The following PIBF1 variants were observed in gnomAD, a reference collection of about 807,000 sequenced individuals.
PIBF1 encodes progesterone-induced-blocking factor 1.
In PIBF1, 90 loss-of-function variants were observed where a neutral mutation model predicts 112.5. The observed-to-expected ratio is 0.80, with a 90% confidence interval of 0.67 to 0.95. The LOEUF (loss-of-function observed/expected upper bound fraction) is 0.95. Ranked by LOEUF, PIBF1 falls within the 40% of genes least tolerant of loss-of-function variation. The probability of loss-of-function intolerance (pLI) is 0.00; values close to 1 mark genes in which losing one functional copy is unlikely to be tolerated. For missense variants in PIBF1, 915 were observed against 852.3 expected, an observed-to-expected ratio of 1.07 and a Z score of -0.92; for synonymous variants, 301 against 288.6, an observed-to-expected ratio of 1.04 and a Z score of -0.44.
intron 11 of PIBF1, among the ~76,000 whole-genome samples, chr13:72,908,277 CTAATTT>C (rs1343470596): frequency 1.3e-5 from 2 of 151,782 alleles, no homozygotes; most frequent in Non-Finnish European, 2.9e-5. Flanking sequence ...ATAATTATTC[CTAATTT>C]TAAATTCATT....
rs370565440 is a variant in PIBF1, at chr13:72,939,555, C to G, written c.1833+8288C>G. On this transcript the variant is annotated intron_variant, in intron 14 of 17. Coordinates refer to ENST00000326291, the MANE Select transcript of PIBF1 (RefSeq NM_006346.4). ...GTTCATCCATATTGTAGCATGTATCCAGTACTTTAACCCTTTTTATGGCCG... is the reference window on the plus strand; with the variant it reads ...GTTCATCCATATTGTAGCATGTATCGAGTACTTTAACCCTTTTTATGGCCG... Among the ~76,000 whole-genome samples, 7 of 152,200 alleles carry G rather than the reference C, an allele frequency of 4.6e-5. No homozygotes were observed. The East Asian group carries it at 9.6e-4, about 21-fold the overall frequency.
At chr13:72,943,328 T>C (rs560470464) in intron 14 of PIBF1, among the ~76,000 whole-genome samples, 1 of 152,324 alleles carries the variant, frequency 6.6e-6, no homozygotes, top group South Asian at 2.1e-4. Flanking sequence ...ATTTATTGTA[T>C]ATTTCAAAAT....
intron 17 of PIBF1, among the ~76,000 whole-genome samples, chr13:73,009,732 A>G (rs924519702): frequency 1.3e-5 from 2 of 152,210 alleles, no homozygotes; most frequent in African/African-American, 4.8e-5. Context: ...GTGATAAGAC[A>G]TCTGAAAAGT....
chr13:72,992,141 T>TAC (rs1222993837), intron 16 of PIBF1, among the ~76,000 whole-genome samples: 1 of 152,138 alleles, frequency 6.6e-6, no homozygotes, highest in African/African-American at 2.4e-5. Flanking sequence ...TGCAGTGAGC[T>TAC]ACAGTCGCAT....
intron 10 of PIBF1, 49 bp from the exon 11 acceptor site, chr13:72,893,735 C>A (rs1247482507): frequency 4.9e-6 from 6 of 1,212,556 alleles, no homozygotes; most frequent in East Asian, 2.7e-5. Flanking sequence ...TTACTTAAAT[C>A]ATTGAGACTG....
At chr13:73,013,014 T>G (rs2044250442) in intron 17 of PIBF1, among the ~76,000 whole-genome samples, 1 of 151,550 alleles carries the variant, frequency 6.6e-6, no homozygotes, top group Admixed American at 6.6e-5. Flanking sequence ...ATGAAAATAT[T>G]AGAAGGGCCG....
chr13:72,903,255 A>G lies in PIBF1; in HGVS notation c.1489-5276A>G, dbSNP rs574877093. ...AATGGTATAATTATGGGTGATTTTT[A>G]TATCTTCATTCTCCCCCCCTAGACT... On this transcript the variant is annotated intron_variant, in intron 11 of 17. Coordinates refer to ENST00000326291, the MANE Select transcript of PIBF1 (RefSeq NM_006346.4). Among the ~76,000 whole-genome samples, 5 of 152,236 alleles carry G rather than the reference A, an allele frequency of 3.3e-5. No homozygotes were observed. In the South Asian group the frequency reaches 1.0e-3, roughly 32 times the overall value.
chr13:72,899,974 G>A (rs1425946897), intron 11 of PIBF1, among the ~76,000 whole-genome samples: 2 of 152,110 alleles, frequency 1.3e-5, no homozygotes, highest in Non-Finnish European at 2.9e-5. Flanking sequence ...ACCAGGCAGA[G>A]AGTCAAATCA....
intron 16 of PIBF1, among the ~76,000 whole-genome samples, chr13:72,987,089 A>G (rs1475517756): frequency 1.3e-5 from 2 of 152,174 alleles, no homozygotes; most frequent in African/African-American, 4.8e-5. Flanking sequence ...AAAATTTTCA[A>G]TGTAAGGAAA....
chr13:72,789,772 C>A (rs1009243900), intron 2 of PIBF1, among the ~76,000 whole-genome samples: 3 of 151,392 alleles, frequency 2.0e-5, no homozygotes, highest in African/African-American at 7.3e-5. Context: ...GTTGAGCATC[C>A]CAGATCTGAA....
rs925772654 is a variant in PIBF1 at position 72,783,495 on chromosome 13, CA to C, written c.33del (p.Val12Ter). 25 of 1,602,886 alleles carry C rather than the reference CA, an allele frequency of 1.6e-5. No homozygotes were observed. The highest frequency in any genetic ancestry group is 2.2e-5 in the South Asian group (2 of 89,092). On this transcript the variant is annotated frameshift_variant, in exon 2 of 18. Coordinates refer to ENST00000326291, the MANE Select transcript of PIBF1 (RefSeq NM_006346.4). LOFTEE classifies it high-confidence loss of function. ...ATGTCTCGAAAAATTTCAAAGGAGT[CA>C]AAAAAAGTGAACATCTCTAGTTCTC... MSRKISKESKKVNISSSLE... is the reference protein window; with the variant it reads MSRKISKEXKKVNISSSLE...
intron 14 of PIBF1, among the ~76,000 whole-genome samples, chr13:72,959,558 A>G (rs2042549490): frequency 6.6e-6 from 1 of 152,208 alleles, no homozygotes; most frequent in African/African-American, 2.4e-5. Context: ...GCAATAAAGA[A>G]CTTCATTTCT....
chr13:72,986,549 A>G (rs974883996), intron 16 of PIBF1, among the ~76,000 whole-genome samples: 10 of 152,138 alleles, frequency 6.6e-5, no homozygotes, highest in South Asian at 4.2e-4. Context: ...GTTTCAGGTG[A>G]TTAGTTATGT....
intron 10 of PIBF1, among the ~76,000 whole-genome samples, chr13:72,865,432 G>A (rs896789654): frequency 1.3e-5 from 2 of 152,122 alleles, no homozygotes; most frequent in Non-Finnish European, 2.9e-5. Flanking sequence ...CTCTGAATAA[G>A]TATTTAATAA....
Position 72,908,666 on chromosome 13 carries a change from A to G in PIBF1, c.1624A>G (p.Met542Val), listed in dbSNP as rs1333333377. The change falls in exon 12 of 18, where the codon ATG becomes GTG. Residue 542 changes from methionine to valine, a missense_variant. Transcript: ENST00000326291. ...GGAAAAAGAGCTTGATGAAATAATA[A>G]TGCAAACTGCAGAAAGTAAGTCTTC... ...KLEKELDEII[M>V]QTAEIENEDE... 2.5e-6 allele frequency: 4 copies of G among 1,612,624 alleles called. No homozygotes were observed. The South Asian group carries it at 4.4e-5, about 18-fold the overall frequency.
chr13:72,910,960 G>A (rs1197526646), intron 12 of PIBF1, among the ~76,000 whole-genome samples: 1 of 152,096 alleles, frequency 6.6e-6, no homozygotes, highest in Admixed American at 6.6e-5. Flanking sequence ...AGTGGCAGGA[G>A]GCTTTTTTGT....
chr13:72,980,785 A>G (rs2043137525), intron 16 of PIBF1, among the ~76,000 whole-genome samples: 3 of 151,740 alleles, frequency 2.0e-5, no homozygotes, highest in African/African-American at 4.8e-5. Flanking sequence ...ACCCTGGGTG[A>G]CAGAGTCAGA....
chr13:73,015,980 A>T lies in PIBF1; in HGVS notation c.*61A>T. On this transcript the variant is annotated 3_prime_UTR_variant, in exon 18 of 18. Transcript: ENST00000326291. Reference sequence around the variant, plus strand: ...ACTCCTGAAGTTCTTTTTCTGATGGAAAACAAAATTCAGCTTAATCGTGTA... The same window carrying T: ...ACTCCTGAAGTTCTTTTTCTGATGGTAAACAAAATTCAGCTTAATCGTGTA... 1 of 999,682 alleles carries T rather than the reference A, an allele frequency of 1.0e-6. No individual in the cohort carries two copies. Among genetic ancestry groups the T allele is most frequent in the East Asian group, 2.7e-5 (1 of 37,342 alleles). The allele number at this position is 999,682 out of a possible 1,614,324, so 61.9% of individuals were successfully genotyped here. A position where few individuals can be genotyped will look rare whatever the true frequency, so the allele number is the denominator to read the frequency against.
At chr13:72,790,380 T>A (rs962068722) in intron 2 of PIBF1, among the ~76,000 whole-genome samples, 1 of 151,384 alleles carries the variant, frequency 6.6e-6, no homozygotes, top group African/African-American at 2.4e-5. Flanking sequence ...AACTTATAGA[T>A]TCCTAAATGT....
Sources: allele counts gnomAD v4.1 joint callset (sites outside exome capture counted in the v4.1 genomes callset), GRCh38; gene constraint gnomAD v4.1.1; transcripts MANE v1.5; gene names NCBI Gene and HGNC (gene_info 2026-07-23, HGNC 2026-07-21).